The following HCN1 variants were observed in gnomAD, a reference collection of about 807,000 sequenced individuals.
The protein encoded by HCN1 is potassium/sodium hyperpolarization-activated cyclic nucleotide-gated channel 1.
HCN1 carries 13 observed loss-of-function variants against 78.9 expected under a neutral mutation model. The observed-to-expected ratio is 0.16, with a 90% CI of 0.11 to 0.26. The LOEUF (loss-of-function observed/expected upper bound fraction) is 0.26. HCN1 is among the 10% of genes least tolerant of loss of function. The pLI, the probability that HCN1 is intolerant of heterozygous loss-of-function variation, is 1.00. For synonymous variants in HCN1, 552 were observed against 455.5 expected (o/e 1.21, Z -2.70); for missense variants, 810 against 1,154.3 (o/e 0.70, Z 4.32).
At chr5:45,338,048 G>A (rs929866962) in intron 5 of HCN1, among the ~76,000 whole-genome samples, 1 of 152,102 alleles carries the variant, frequency 6.6e-6, no homozygotes, top group African/African-American at 2.4e-5. Context: ...CACAAATGTA[G>A]TTCTTACCGC....
At chr5:45,659,305 C>G (rs1173564374) in intron 1 of HCN1, among the ~76,000 whole-genome samples, 41 of 123,402 alleles carry the variant, frequency 3.3e-4, no homozygotes, top group African/African-American at 1.4e-3. Context: ...CCCATCTGTA[C>G]ATCAACATCA....
chr5:45,681,608 C>G, intron 1 of HCN1, among the ~76,000 whole-genome samples: 1 of 151,644 alleles, frequency 6.6e-6, no homozygotes, highest in East Asian at 1.9e-4. Flanking sequence ...AATCCTTTTT[C>G]AAAATATTGA....
At chr5:45,305,936 G>A (rs534694142) in intron 5 of HCN1, among the ~76,000 whole-genome samples, 1 of 152,164 alleles carries the variant, frequency 6.6e-6, no homozygotes, top group South Asian at 2.1e-4. Context: ...TAATTTTCTC[G>A]TTGGGAGATG....
chr5:45,365,201 T>G (rs1438747695), intron 4 of HCN1, among the ~76,000 whole-genome samples: 1 of 152,012 alleles, frequency 6.6e-6, no homozygotes, highest in East Asian at 1.9e-4. Context: ...TTTTTATTTT[T>G]CATGTTAGAT....
intron 2 of HCN1, among the ~76,000 whole-genome samples, chr5:45,468,613 A>G (rs1421147845): frequency 2.6e-5 from 4 of 151,998 alleles, no homozygotes; most frequent in Non-Finnish European, 5.9e-5. Context: ...TTTTAATTTC[A>G]TCTATCTAAA....
At chr5:45,438,310 G>T (rs556076498) in intron 3 of HCN1, among the ~76,000 whole-genome samples, 15 of 152,126 alleles carry the variant, frequency 9.9e-5, no homozygotes, top group Non-Finnish European at 1.8e-4. Flanking sequence ...AGATGTTAAA[G>T]AGCTCTTGAG....
chr5:45,287,917 A>G (rs1354752740), intron 6 of HCN1, among the ~76,000 whole-genome samples: 1 of 152,052 alleles, frequency 6.6e-6, no homozygotes, highest in Non-Finnish European at 1.5e-5. Context: ...GCCTAACATC[A>G]TGGCACAGAC....
chr5:45,444,159 C>A (rs938646242), intron 3 of HCN1, among the ~76,000 whole-genome samples: 1 of 152,102 alleles, frequency 6.6e-6, no homozygotes, highest in East Asian at 1.9e-4. Context: ...TGAAGGTGTA[C>A]TTTACTGCTT....
At chr5:45,384,992 TAAAC>T (rs954736995) in intron 4 of HCN1, among the ~76,000 whole-genome samples, 11 of 152,146 alleles carry the variant, frequency 7.2e-5, no homozygotes, top group Non-Finnish European at 1.3e-4. Flanking sequence ...TTCAAAAAAT[TAAAC>T]AGACAACTTT....
chr5:45,428,364 A>C (rs1740392363), intron 3 of HCN1, among the ~76,000 whole-genome samples: 1 of 151,988 alleles, frequency 6.6e-6, no homozygotes, highest in Admixed American at 6.6e-5. Flanking sequence ...TTGATGATCA[A>C]TGTCAAGTTT....
At chr5:45,270,401 A>G (rs1744939286) in intron 6 of HCN1, among the ~76,000 whole-genome samples, 1 of 152,214 alleles carries the variant, frequency 6.6e-6, no homozygotes, top group African/African-American at 2.4e-5. Flanking sequence ...AGTTAGGTAA[A>G]TACTGGTTTA....
intron 2 of HCN1, among the ~76,000 whole-genome samples, chr5:45,607,792 A>T (rs1015958170): frequency 2.6e-5 from 4 of 151,748 alleles, no homozygotes; most frequent in African/African-American, 9.7e-5. Flanking sequence ...TATTGATGGG[A>T]TAATATTTAA....
In HCN1 at chr5:45,542,454, A is replaced by T. The variant is rs184205856; in HGVS notation, c.850-80447T>A. Among the ~76,000 whole-genome samples the T allele has an allele frequency of 3.1e-4, 47 of 152,130 alleles. 1 individual carries two copies. The East Asian group carries it at 7.0e-3, about 23-fold the overall frequency. On this transcript the variant is annotated intron_variant, in intron 2 of 7. Transcript: ENST00000303230. ...TTTTTCTTCTTACATATCTGTTAAC[A>T]TAGTTTTAGCACTATTTTTAGCCAA... is the stretch of plus-strand genomic sequence containing the variant.
rs373467339 is a variant in HCN1 at position 45,396,337 on chromosome 5, C to G, written c.1230+155G>C. Among the ~76,000 whole-genome samples, 39 of 151,566 alleles carry G rather than the reference C, an allele frequency of 2.6e-4. No individual in the cohort carries two copies. The East Asian group carries it at 7.5e-3, about 29-fold the overall frequency. On this transcript the variant is annotated intron_variant, in intron 4 of 7. Transcript: ENST00000303230. The stretch of plus-strand genomic sequence containing the variant: ...GATATGAGAACTATCTTGAAGAAAC[C>G]TCAAAATATCAAAGAAGATAGTGTG...
At chr5:45,564,650 A>G (rs1055384276) in intron 2 of HCN1, among the ~76,000 whole-genome samples, 3 of 152,332 alleles carry the variant, frequency 2.0e-5, no homozygotes, top group Admixed American at 6.5e-5. Flanking sequence ...GTCTCATTTT[A>G]TAAGAGCAAA....
At chr5:45,528,008 A>G (rs1013913742) in intron 2 of HCN1, among the ~76,000 whole-genome samples, 42 of 151,912 alleles carry the variant, frequency 2.8e-4, no homozygotes, top group Admixed American at 1.2e-3. Flanking sequence ...AATAAAATCA[A>G]TAAGTTTGCT....
At chr5:45,620,820 CCTAT>C (rs1254501916) in intron 2 of HCN1, among the ~76,000 whole-genome samples, 1 of 152,052 alleles carries the variant, frequency 6.6e-6, no homozygotes, top group African/African-American at 2.4e-5. Flanking sequence ...TCTACAGTAC[CCTAT>C]CTAACAAACC....
intron 2 of HCN1, among the ~76,000 whole-genome samples, chr5:45,497,421 T>C (rs1742063345): frequency 2.0e-5 from 3 of 152,224 alleles, no homozygotes; most frequent in Admixed American, 1.3e-4. Flanking sequence ...CATAGTTAGC[T>C]CTTCTTGTTG....
intron 2 of HCN1, among the ~76,000 whole-genome samples, chr5:45,498,636 G>A (rs906447826): frequency 9.2e-5 from 14 of 152,280 alleles, no homozygotes; most frequent in African/African-American, 1.2e-4. Context: ...GAGGAGCTGC[G>A]TTCCTTTGGA....
Sources: allele counts gnomAD v4.1 joint callset (sites outside exome capture counted in the v4.1 genomes callset), GRCh38; gene constraint gnomAD v4.1.1; transcripts MANE v1.5; gene names NCBI Gene and HGNC (gene_info 2026-07-23, HGNC 2026-07-21).